TMTC4: variants seen among roughly 807,000 people sequenced by gnomAD.
TMTC4 encodes transmembrane O-mannosyltransferase targeting cadherins 4.
TMTC4 carries 65 observed loss-of-function variants against 86.0 expected under a neutral mutation model. That is an observed-to-expected ratio of 0.76 (90% CI 0.62 to 0.93). TMTC4 has a LOEUF of 0.93. Among genes scored for constraint, TMTC4 ranks in the 40% least tolerant of loss-of-function variants. The probability of loss-of-function intolerance (pLI) is 0.00; values close to 1 mark genes in which losing one functional copy is unlikely to be tolerated. For missense variants in TMTC4, 866 were observed against 948.1 expected (o/e 0.91, Z 1.14); for synonymous variants, 379 against 382.5 (o/e 0.99, Z 0.11).
rs765483500 is a variant in TMTC4 at position 100,636,645 on chromosome 13, G to C, written c.1089C>G (p.Ile363Met). The C allele has an allele frequency of 2.5e-6, 4 of 1,614,178 alleles. No individual in the cohort carries two copies. Among genetic ancestry groups the C allele is most frequent in the Non-Finnish European group, 3.4e-6 (4 of 1,180,036 alleles). ...WLCFDWSMGC[I>M]PLIKSISDWR... ...AGTCGCTGATGGACTTAATGAGGGG[G>C]ATGCAGCCCATTGACCAATCAAAAC... Residue 363 changes from isoleucine (I) to methionine (M), a missense_variant, in exon 10 of 19, where the codon ATC (isoleucine) becomes ATG (methionine). Ile to Met is a conservative substitution (Grantham distance 10, BLOSUM62 1). Coordinates refer to ENST00000342624, the MANE Select transcript of TMTC4 (RefSeq NM_032813.5).
intron 17 of TMTC4, among the ~76,000 whole-genome samples, chr13:100,611,611 A>C (rs930484692): frequency 6.6e-6 from 1 of 152,158 alleles, no homozygotes; most frequent in Non-Finnish European, 1.5e-5. Flanking sequence ...ATAAAAAAAC[A>C]ACAAAAAAAT....
At chr13:100,673,919 A>G (rs1010194536) in intron 1 of TMTC4, 14 of 527,094 alleles carry the variant, frequency 2.7e-5, no homozygotes, top group African/African-American at 2.5e-4. Flanking sequence ...CATTCTCCCC[A>G]TGCATTTATT....
At chr13:100,675,064 G>A (rs1314110068), upstream of TMTC4, 10 of 985,680 alleles carry the variant, frequency 1.0e-5, no homozygotes, top group African/African-American at 1.7e-5. Flanking sequence ...AGGGACAGAC[G>A]GACCCGGCGG....
intron 12 of TMTC4, among the ~76,000 whole-genome samples, chr13:100,632,015 C>A (rs920865259): frequency 1.0e-5 from 1 of 99,358 alleles, no homozygotes; most frequent in Admixed American, 1.1e-4. Context: ...TAAGAGGAAA[C>A]CACACACACA....
rs375463650 is a variant in TMTC4, at chr13:100,635,043, C to T, written c.1355G>A (p.Ser452Asn). ...TGATACCTTTTTCTTGGTATGTTTG[C>T]TCAGGGCTCCGAATCCAAAAGTCAG... ...VLLTFGFGAL[S>N]KHTKKKKLIA... The change falls in exon 11 of 19, where the codon AGC becomes AAC. Residue 452 changes from serine (S) to asparagine (N), a missense_variant. Transcript: ENST00000342624. 19 of 1,612,420 alleles carry T rather than the reference C, an allele frequency of 1.2e-5. No individual in the cohort carries two copies. The highest frequency in any genetic ancestry group is 1.5e-5 in the Non-Finnish European group (18 of 1,179,240).
chr13:100,613,656 A>AGTG (rs1877985435), intron 16 of TMTC4, among the ~76,000 whole-genome samples: 1 of 152,118 alleles, frequency 6.6e-6, no homozygotes, highest in Non-Finnish European at 1.5e-5. Flanking sequence ...AGAAGAAACA[A>AGTG]GATACTGTCA....
chr13:100,632,718 A>C (rs1881614317), intron 12 of TMTC4, among the ~76,000 whole-genome samples: 1 of 152,208 alleles, frequency 6.6e-6, no homozygotes, highest in African/African-American at 2.4e-5. Context: ...TTTCATAATA[A>C]GATGTCAACT....
chr13:100,644,271 T>C (rs1883428357), intron 6 of TMTC4, among the ~76,000 whole-genome samples: 2 of 151,748 alleles, frequency 1.3e-5, no homozygotes, highest in Non-Finnish European at 2.9e-5. Context: ...GCCCAGCTAA[T>C]TTTTTGTATT....
rs1407961813 is a variant in TMTC4, at chr13:100,612,669, A to G, written c.1952-159T>C. Among the ~76,000 whole-genome samples, 6 of 118,202 alleles carry G rather than the reference A, an allele frequency of 5.1e-5. No homozygotes were observed. In the South Asian group the frequency reaches 7.9e-4, roughly 16 times the overall value. 77.5% of individuals were successfully genotyped at this position (118,202 alleles called of 152,430 possible). ...GATCATGTAATACACACACACACAC[A>G]CACACACACACACACACACACACAC... On this transcript the variant is annotated intron_variant, in intron 16 of 18. Transcript: ENST00000342624.
intron 12 of TMTC4, among the ~76,000 whole-genome samples, chr13:100,629,469 G>A (rs948339511): frequency 1.3e-5 from 2 of 152,052 alleles, no homozygotes; most frequent in African/African-American, 2.4e-5. Flanking sequence ...AAACTGCTTC[G>A]GGGCCATTCA....
intron 6 of TMTC4, among the ~76,000 whole-genome samples, chr13:100,652,005 T>C (rs1299409612): frequency 6.6e-6 from 1 of 152,232 alleles, no homozygotes; most frequent in African/African-American, 2.4e-5. Flanking sequence ...TGTTTACCAC[T>C]CAGCTTTTTG....
At position 100,625,527 on chromosome 13, in the gene TMTC4, G is replaced by A. The variant is rs375044720; in HGVS notation, c.1836+8C>T. ...TCCTTCCACAGGCACAGGGCACCCC[G>A]CGCTTACCAGACGCCCGAGGTTGTA... On this transcript the variant is annotated splice_region_variant and intron_variant, in intron 15 of 18. Transcript: ENST00000342624. The A allele has an allele frequency of 1.1e-5, 18 of 1,613,350 alleles. No homozygotes were observed. The highest frequency in any genetic ancestry group is 3.3e-5 in the Admixed American group (2 of 60,022).
chr13:100,604,576 A>T lies in TMTC4; in HGVS notation c.*418T>A, dbSNP rs1876294000. 1 of 153,226 alleles carries T rather than the reference A, an allele frequency of 6.5e-6. No homozygotes were observed. Among genetic ancestry groups the T allele is most frequent in the South Asian group, 2.1e-4 (1 of 4,856 alleles). The allele number at this position is 153,226 out of a possible 1,614,324, so 9.5% of individuals were successfully genotyped here. A position where few individuals can be genotyped will look rare whatever the true frequency, so the allele number is the denominator to read the frequency against. ...ATTAAATAAAAATGCTAATATATAG[A>T]CATGTTCAATATTTATACAAATTGT... On this transcript the variant is annotated 3_prime_UTR_variant, in exon 19 of 19. Transcript: ENST00000342624.
intron 6 of TMTC4, among the ~76,000 whole-genome samples, chr13:100,644,566 G>A (rs1466025083): frequency 6.6e-6 from 1 of 152,190 alleles, no homozygotes; most frequent in African/African-American, 2.4e-5. Context: ...TGGGCTGCTA[G>A]GACAGCCTCC....
intron 15 of TMTC4, among the ~76,000 whole-genome samples, chr13:100,617,281 C>T (rs1173190972): frequency 6.6e-6 from 1 of 152,160 alleles, no homozygotes; most frequent in Non-Finnish European, 1.5e-5. Flanking sequence ...ACTACAGGCA[C>T]ATACCACGAT....
Position 100,605,189 on chromosome 13 carries a change from G to A in TMTC4, c.2135-47C>T, listed in dbSNP as rs199697400. The A allele has an allele frequency of 2.5e-5, 40 of 1,586,624 alleles. No homozygotes were observed. The East Asian group carries it at 7.5e-4, about 30-fold the overall frequency. Reference sequence around the variant, plus strand: ...TTCACTGGGAATGCTTCTGAGTAACGTGCCGTATTCCTACCCTCTTGGACA... The same window carrying A: ...TTCACTGGGAATGCTTCTGAGTAACATGCCGTATTCCTACCCTCTTGGACA... On this transcript the variant is annotated intron_variant, in intron 18 of 18. Coordinates refer to ENST00000342624, the MANE Select transcript of TMTC4 (RefSeq NM_032813.5). This position sits in a 1 kb window ranked among gnomAD's most constrained non-coding sequence, Gnocchi z 4.3.
At chr13:100,641,478 C>T (rs1020114472) in intron 7 of TMTC4, among the ~76,000 whole-genome samples, 2 of 151,694 alleles carry the variant, frequency 1.3e-5, no homozygotes, top group Non-Finnish European at 2.9e-5. Flanking sequence ...TCATCTTTTC[C>T]TTCTTTCTTT....
rs961274787 is a variant in TMTC4, at chr13:100,668,523, A to G, written c.219+56T>C. The G allele has an allele frequency of 4.6e-6, 7 of 1,536,084 alleles. No individual in the cohort carries two copies. The African/African-American group carries it at 8.3e-5, about 18-fold the overall frequency. ...GAACAATGCAACACATACTTAGATG[A>G]TTACTGAGACACAGTTGGGCAGTTA... On this transcript the variant is annotated intron_variant, in intron 3 of 18. Transcript: ENST00000342624.
intron 12 of TMTC4, among the ~76,000 whole-genome samples, chr13:100,630,301 C>T (rs957324270): frequency 3.3e-5 from 5 of 152,016 alleles, no homozygotes; most frequent in African/African-American, 4.8e-5. Context: ...TTCTTAACTG[C>T]CAATTTAAAA....
Sources: gnomAD v4.1 joint callset for allele counts (sites outside exome capture counted in the v4.1 genomes callset) on GRCh38, gnomAD v4.1.1 for gene constraint, Gnocchi (gnomAD v3.1) non-coding constraint, MANE v1.5 for transcripts, NCBI Gene and HGNC (gene_info 2026-07-23, HGNC 2026-07-21) for gene names.